The following SSBP4 variants were observed in gnomAD, a reference collection of about 807,000 sequenced individuals.
SSBP4 encodes single stranded DNA binding protein 4.
SSBP4 carries 33 observed loss-of-function variants against 64.6 expected under a neutral mutation model. That is an observed-to-expected ratio of 0.51 (90% confidence interval 0.39 to 0.68). SSBP4 has a LOEUF of 0.68. SSBP4 is among the 30% of genes least tolerant of loss of function. The pLI is 0.00. For synonymous variants in SSBP4, 243 were observed against 224.0 expected (o/e 1.08, Z -0.76); for missense variants, 583 against 566.8 (o/e 1.03, Z -0.29).
chr19:18,434,290 C>G lies in SSBP4; in HGVS notation c.*44C>G. 7 of 1,607,352 alleles carry G rather than the reference C, an allele frequency of 4.4e-6. No individual in the cohort carries two copies. Among genetic ancestry groups the G allele is most frequent in the Non-Finnish European group, 5.1e-6 (6 of 1,177,482 alleles). On this transcript the variant is annotated 3_prime_UTR_variant, in exon 18 of 18. Coordinates refer to ENST00000270061, the MANE Select transcript of SSBP4 (RefSeq NM_032627.5). ...CCTCTCTGCGGGCCTAGGCTTCTGC[C>G]CAGCGCCCCTGCTCAGGGCGAGGGG...
At chr19:18,424,233 T>C (rs1481476998) in intron 1 of SSBP4, among the ~76,000 whole-genome samples, 1 of 152,222 alleles carries the variant, frequency 6.6e-6, no homozygotes, top group African/African-American at 2.4e-5. Context: ...CATCAGTACT[T>C]ACCCCATGGT....
chr19:18,431,288 TC>T, intron 5 of SSBP4, 64 bp from the exon 6 acceptor site: 2 of 315,922 alleles, frequency 6.3e-6, no homozygotes. Context: ...ATGGAGCCCC[TC>T]CCCTCCTCAG....
chr19:18,406,080 G>A, the SSBP4 span, among the ~76,000 whole-genome samples: 27 of 151,980 alleles, frequency 1.8e-4, no homozygotes, highest in Admixed American at 7.2e-4. Context: ...GGGCTCAAAT[G>A]ATCCTCCTGC....
At chr19:18,404,619 G>A in the SSBP4 span, among the ~76,000 whole-genome samples, 40 of 145,898 alleles carry the variant, frequency 2.7e-4, no homozygotes, top group Non-Finnish European at 5.5e-4. Flanking sequence ...AAGGCTGGGC[G>A]GGGTGGCTCA....
intron 1 of SSBP4, among the ~76,000 whole-genome samples, chr19:18,424,569 G>A (rs1409109325): frequency 3.3e-5 from 5 of 151,848 alleles, no homozygotes; most frequent in Non-Finnish European, 5.9e-5. Context: ...GGGTCGGGGC[G>A]GGGGGCGGCA....
intron 1 of SSBP4, among the ~76,000 whole-genome samples, chr19:18,424,169 G>A (rs1015626137): frequency 2.0e-5 from 3 of 152,180 alleles, no homozygotes; most frequent in South Asian, 2.1e-4. Flanking sequence ...GCCTCCCATC[G>A]CTCCCAGGAT....
At position 18,433,453 on chromosome 19, in the gene SSBP4, G is replaced by C; in HGVS notation, c.992-132G>C. Reference sequence around the variant, plus strand: ...AACCCTCCACCTGGCCTCAGTCCCGGGGTTCCTGGCGGGCTGTGCGGGGCG... The same window carrying C: ...AACCCTCCACCTGGCCTCAGTCCCGCGGTTCCTGGCGGGCTGTGCGGGGCG... On this transcript the variant is annotated intron_variant, in intron 15 of 17. Transcript: ENST00000270061. 3 of 1,467,244 alleles carry C rather than the reference G, an allele frequency of 2.0e-6. No homozygotes were observed. In the South Asian group the frequency reaches 3.6e-5, roughly 18 times the overall value. The allele number at this position is 1,467,244 out of a possible 1,614,324, so 90.9% of individuals were successfully genotyped here.
chr19:18,410,195 A>T, the SSBP4 span, among the ~76,000 whole-genome samples: 1 of 151,890 alleles, frequency 6.6e-6, no homozygotes, highest in Non-Finnish European at 1.5e-5. Context: ...ACGGGGTTTC[A>T]CCGTGTTAGC....
chr19:18,411,592 CTGAAGGA>C, the SSBP4 span, among the ~76,000 whole-genome samples: 12 of 152,220 alleles, frequency 7.9e-5, no homozygotes, highest in East Asian at 1.5e-3. Context: ...GAGCTGAAGC[CTGAAGGA>C]TGAAGAGAAG....
At chr19:18,406,564 G>A in the SSBP4 span, among the ~76,000 whole-genome samples, 7 of 151,970 alleles carry the variant, frequency 4.6e-5, no homozygotes, top group South Asian at 6.3e-4. Context: ...GGGAGGATCC[G>A]TTGGGCCCAG....
At chr19:18,412,147 A>C in the SSBP4 span, among the ~76,000 whole-genome samples, 2 of 152,014 alleles carry the variant, frequency 1.3e-5, no homozygotes, top group African/African-American at 4.8e-5. Flanking sequence ...CCTGGGTGAC[A>C]GAGTGAGACT....
At position 18,431,798 on chromosome 19, in the gene SSBP4, C is replaced by T. The variant is rs766641357; in HGVS notation, c.501C>T (p.Pro167=). Residue 167 remains proline (P), a synonymous_variant, in exon 8 of 18, where the codon CCC becomes CCT. Coordinates refer to ENST00000270061, the MANE Select transcript of SSBP4 (RefSeq NM_032627.5). ...RPTLRMPSQP[P]AGLPGSQPLL... is the part of the protein sequence containing the mutation. ...CCGCCGCACCCCCTCCGCAGCCTCC[C>T]GCAGGCCTCCCTGGCTCCCAGCCCC... 2.8e-5 allele frequency: 43 copies of T among 1,558,238 alleles called. No homozygotes were observed. The highest frequency in any genetic ancestry group is 1.7e-4 in the Middle Eastern group (1 of 6,014).
Position 18,433,121 on chromosome 19 carries a change from C to G in SSBP4, c.913-14C>G. ...ATGGGTGGCCCGAGTCCCACGCTGT[C>G]CCCATGCCCGCAGTTCCCGCTCGGC... On this transcript the variant is annotated splice_polypyrimidine_tract_variant and intron_variant, in intron 14 of 17. Coordinates refer to ENST00000270061, the MANE Select transcript of SSBP4 (RefSeq NM_032627.5). 1 of 1,611,472 alleles carries G rather than the reference C, an allele frequency of 6.2e-7. No individual in the cohort carries two copies. Among genetic ancestry groups the G allele is most frequent in the Non-Finnish European group, 8.5e-7 (1 of 1,179,228 alleles).
chr19:18,415,105 T>C (rs1042041498), upstream of SSBP4, among the ~76,000 whole-genome samples: 4 of 139,092 alleles, frequency 2.9e-5, no homozygotes, highest in Non-Finnish European at 3.1e-5. Context: ...CCAGCTGCTG[T>C]GGCTGCTCCC....
At chr19:18,417,666 C>T (rs1302108623), upstream of SSBP4, among the ~76,000 whole-genome samples, 1 of 152,188 alleles carries the variant, frequency 6.6e-6, no homozygotes, top group Non-Finnish European at 1.5e-5. The surrounding 1 kb of genome is among the most constrained non-coding windows in gnomAD (Gnocchi z 5.4). Context: ...CCTCCTACCC[C>T]GCCGAGCCGG....
chr19:18,409,186 T>C, the SSBP4 span, among the ~76,000 whole-genome samples: 1 of 122,588 alleles, frequency 8.2e-6, no homozygotes, highest in Non-Finnish European at 1.6e-5. Flanking sequence ...GAGTGGCCAT[T>C]CTTTTTTTTT....
upstream of SSBP4, among the ~76,000 whole-genome samples, chr19:18,415,570 T>TGGA (rs879801522): frequency 1.3e-5 from 2 of 151,480 alleles, no homozygotes; most frequent in Admixed American, 6.6e-5. Context: ...AGGGAAGGCT[T>TGGA]GGAGGAGGAG....
the SSBP4 span, among the ~76,000 whole-genome samples, chr19:18,407,290 G>A: frequency 3.3e-5 from 5 of 151,844 alleles, no homozygotes; most frequent in African/African-American, 1.2e-4. Flanking sequence ...CTCCCACCTC[G>A]GCCTCCCAGA....
intron 4 of SSBP4, among the ~76,000 whole-genome samples, chr19:18,429,940 G>A (rs1014859038): frequency 3.3e-5 from 5 of 152,140 alleles, no homozygotes; most frequent in African/African-American, 1.2e-4. Context: ...CTAGGCAGGG[G>A]GCCCCTTGCA....
Sources: gnomAD v4.1 joint callset for allele counts (sites outside exome capture counted in the v4.1 genomes callset) on GRCh38, gnomAD v4.1.1 for gene constraint, Gnocchi (gnomAD v3.1) non-coding constraint, MANE v1.5 for transcripts, NCBI Gene and HGNC (gene_info 2026-07-23, HGNC 2026-07-21) for gene names.